The following CFAP161 variants were observed in gnomAD, a reference collection of about 807,000 sequenced individuals.
The protein encoded by CFAP161 is cilia- and flagella-associated protein 161.
A neutral mutation model predicts 29.0 loss-of-function variants in CFAP161; 25 were observed. The ratio of observed to expected loss-of-function variants is 0.86; its 90% CI spans 0.63 to 1.20. The LOEUF is 1.20. Ranked by LOEUF, CFAP161 falls within the 50% of genes most tolerant of loss-of-function variation. The pLI, the probability that CFAP161 is intolerant of heterozygous loss-of-function variation, is 0.00. For synonymous variants in CFAP161, 116 were observed against 137.4 expected, an observed-to-expected ratio of 0.84 and a Z score of 1.09; for missense variants, 367 against 371.9, an observed-to-expected ratio of 0.99 and a Z score of 0.11.
chr15:81,113,350 C>A (rs1012655825), intron 1 of CFAP161, among the ~76,000 whole-genome samples: 20 of 152,190 alleles, frequency 1.3e-4, no homozygotes, highest in Non-Finnish European at 4.4e-5. Flanking sequence ...ATTCTCCAGA[C>A]ACCAACTGGG....
At chr15:81,140,122 A>G (rs1483421143) in intron 4 of CFAP161, among the ~76,000 whole-genome samples, 1 of 151,548 alleles carries the variant, frequency 6.6e-6, no homozygotes, top group Non-Finnish European at 1.5e-5. Context: ...ATTTGGGTTT[A>G]TATACCATTG....
Position 81,136,557 on chromosome 15 carries a change from T to G in CFAP161, c.201T>G (p.Gly67=), listed in dbSNP as rs745559208. ...CTGAAGATGGCTATATTCATTACGG[T>G]GACAAAGTGATGCTTGTGAATCCTG... The part of the protein sequence containing the change: ...SVTEDGYIHY[G]DKVMLVNPDD... Residue 67 remains glycine (G), a synonymous_variant, in exon 3 of 7, where the codon GGT becomes GGG. Transcript: ENST00000286732. The G allele has an allele frequency of 2.6e-5, 42 of 1,614,220 alleles. No individual in the cohort carries two copies. Among genetic ancestry groups the G allele is most frequent in the Non-Finnish European group, 3.5e-5 (41 of 1,180,040 alleles).
chr15:81,102,312 C>G (rs925254223), intron 1 of CFAP161, among the ~76,000 whole-genome samples: 1 of 152,098 alleles, frequency 6.6e-6, no homozygotes, highest in African/African-American at 2.4e-5. Flanking sequence ...AGCACAAGAC[C>G]TTTTGCAGAA....
At chr15:81,105,857 T>G (rs928395032) in intron 1 of CFAP161, among the ~76,000 whole-genome samples, 1 of 152,218 alleles carries the variant, frequency 6.6e-6, no homozygotes, top group Admixed American at 6.5e-5. Context: ...GTACTACAGA[T>G]GGTCCCAGGA....
chr15:81,140,592 T>G (rs180712618), intron 4 of CFAP161, among the ~76,000 whole-genome samples: 1 of 151,770 alleles, frequency 6.6e-6, no homozygotes, highest in East Asian at 1.9e-4. Flanking sequence ...AGGGTCTCAC[T>G]CTGTCACTTA....
upstream of CFAP161, among the ~76,000 whole-genome samples, chr15:81,132,655 C>T (rs1490390115): frequency 6.6e-6 from 1 of 152,092 alleles, no homozygotes; most frequent in Non-Finnish European, 1.5e-5. Flanking sequence ...TAGGTGGGAG[C>T]AAAGCTGTAT....
chr15:81,138,971 G>A lies in CFAP161; in HGVS notation c.477+836G>A, dbSNP rs182348156. Among the ~76,000 whole-genome samples the A allele has an allele frequency of 1.5e-3, 221 of 151,870 alleles. 2 individuals carry two copies. Among genetic ancestry groups the A allele is most frequent in the South Asian group, 0.013 (62 of 4,802 alleles). Reference sequence around the variant, plus strand: ...AAATCCATTTACTATATGATGTAGCGTTATTATTATTATTATTTTTGATAC... The same window carrying A: ...AAATCCATTTACTATATGATGTAGCATTATTATTATTATTATTTTTGATAC... On this transcript the variant is annotated intron_variant, in intron 4 of 6. Coordinates refer to ENST00000286732, the MANE Select transcript of CFAP161 (RefSeq NM_173528.4).
intron 1 of CFAP161, among the ~76,000 whole-genome samples, chr15:81,116,339 G>A (rs867160349): frequency 6.6e-6 from 1 of 152,178 alleles, no homozygotes; most frequent in Admixed American, 6.5e-5. Flanking sequence ...TGTTGCCCAG[G>A]CTGGAGTGCA....
In CFAP161 at chr15:81,148,391, A is replaced by T; in HGVS notation, c.764A>T (p.His255Leu). The T allele has an allele frequency of 6.2e-7, 1 of 1,614,214 alleles. No individual in the cohort carries two copies. Among genetic ancestry groups the T allele is most frequent in the Non-Finnish European group, 8.5e-7 (1 of 1,180,044 alleles). ...EVVAHTYLDS[H>L]RVEKPRNHWM... ...GTAGCTCACACATACCTGGATTCAC[A>T]TAGAGTTGAGAAACCAAGGAACCAC... The change falls in exon 7 of 7, where the codon CAT becomes CTT. Residue 255 changes from histidine (H) to leucine (L), a missense_variant. Physicochemically the swap from His to Leu is moderately conservative, Grantham distance 99. Transcript: ENST00000286732.
At chr15:81,141,274 C>G (rs1310352706) in intron 4 of CFAP161, among the ~76,000 whole-genome samples, 1 of 151,986 alleles carries the variant, frequency 6.6e-6, no homozygotes, top group Non-Finnish European at 1.5e-5. Context: ...AGGGTTTTTC[C>G]TTGGTATCTT....
intron 1 of CFAP161, among the ~76,000 whole-genome samples, chr15:81,125,649 A>C (rs1894631133): frequency 6.6e-6 from 1 of 152,166 alleles, no homozygotes; most frequent in Admixed American, 6.5e-5. Context: ...TAATGGCTAT[A>C]TACATATTAT....
intron 1 of CFAP161, among the ~76,000 whole-genome samples, chr15:81,134,629 C>G (rs1894776990): frequency 6.6e-6 from 1 of 152,148 alleles, no homozygotes. Context: ...TTCTCTGGGT[C>G]CCTTGGCCTC....
At chr15:81,130,607 G>A (rs1386513189), upstream of CFAP161, among the ~76,000 whole-genome samples, 1 of 152,186 alleles carries the variant, frequency 6.6e-6, no homozygotes, top group Non-Finnish European at 1.5e-5. Flanking sequence ...GGCTGAGGCA[G>A]GAGAATCGCT....
chr15:81,127,310 A>G (rs1186584898), intron 1 of CFAP161, among the ~76,000 whole-genome samples: 1 of 152,228 alleles, frequency 6.6e-6, no homozygotes, highest in African/African-American at 2.4e-5. Flanking sequence ...CAAGTAAGGG[A>G]AAAAGTCAAA....
At chr15:81,129,046 G>A (rs1380585159) in intron 2 of CFAP161, among the ~76,000 whole-genome samples, 1 of 152,074 alleles carries the variant, frequency 6.6e-6, no homozygotes, top group Non-Finnish European at 1.5e-5. Flanking sequence ...TATTATGTTA[G>A]CAATCATGAA....
intron 1 of CFAP161, 98 bp downstream of exon 1, chr15:81,134,496 C>A (rs1043785662): frequency 6.5e-6 from 8 of 1,224,366 alleles, no homozygotes; most frequent in African/African-American, 3.0e-5. Flanking sequence ...AGCCTCCTCT[C>A]TCTCCCAGCA....
At chr15:81,144,727 C>T (rs1466514822) in intron 5 of CFAP161, among the ~76,000 whole-genome samples, 1 of 150,550 alleles carries the variant, frequency 6.6e-6, no homozygotes, top group Non-Finnish European at 1.5e-5. Flanking sequence ...GTCGAGGCTG[C>T]TGTGAGCTGT....
In CFAP161 at chr15:81,148,621, C is replaced by G; in HGVS notation, c.*88C>G. 7.6e-7 allele frequency: 1 copy of G among 1,307,264 alleles called. No individual in the cohort carries two copies. The highest frequency in any genetic ancestry group is 1.0e-6 in the Non-Finnish European group (1 of 956,696). 81.0% of individuals were successfully genotyped at this position (1,307,264 alleles called of 1,614,324 possible). A position where few individuals can be genotyped will look rare whatever the true frequency, so the allele number is the denominator to read the frequency against. On this transcript the variant is annotated 3_prime_UTR_variant, in exon 7 of 7. Transcript: ENST00000286732. ...TTAACAACCTTGGTCATGCCTCAAG[C>G]TATTTTTGAATCAGATGTGGGACTC...
At chr15:81,122,891 T>C (rs1894593628) in intron 1 of CFAP161, among the ~76,000 whole-genome samples, 1 of 152,164 alleles carries the variant, frequency 6.6e-6, no homozygotes, top group Admixed American at 6.5e-5. Flanking sequence ...GGTTGTTTGT[T>C]TTTTCTTGTA....
Sources: allele counts gnomAD v4.1 joint callset (sites outside exome capture counted in the v4.1 genomes callset), GRCh38; gene constraint gnomAD v4.1.1; transcripts MANE v1.5; gene names NCBI Gene and HGNC (gene_info 2026-07-23, HGNC 2026-07-21).